Variants in CIMAP3 observed in about 807,000 individuals in gnomAD.
CIMAP3 encodes the protein ciliary microtubule-associated protein 3.
At chr1:111,347,452 A>G in the CIMAP3 span, among the ~76,000 whole-genome samples, 1 of 151,856 alleles carries the variant, frequency 6.6e-6, no homozygotes, top group African/African-American at 2.4e-5. Flanking sequence ...ATCCAGCCAC[A>G]CCCCTCTACA....
the CIMAP3 span, among the ~76,000 whole-genome samples, chr1:111,340,265 C>A: frequency 6.6e-6 from 1 of 151,410 alleles, no homozygotes; most frequent in Non-Finnish European, 1.5e-5. Flanking sequence ...AGAAGAAAAC[C>A]TAGGCATTAC....
the CIMAP3 span, among the ~76,000 whole-genome samples, chr1:111,336,841 A>G: frequency 3.3e-5 from 5 of 152,118 alleles, no homozygotes; most frequent in African/African-American, 1.2e-4. Context: ...CAGGAAATAC[A>G]GAGAACACCA....
At chr1:111,327,196 C>T in the CIMAP3 span, among the ~76,000 whole-genome samples, 1 of 152,032 alleles carries the variant, frequency 6.6e-6, no homozygotes, top group Non-Finnish European at 1.5e-5. Context: ...CCTATGTTTT[C>T]TTCTAGTAGT....
chr1:111,335,377 T>C, the CIMAP3 span, among the ~76,000 whole-genome samples: 106,901 of 151,864 alleles, frequency 0.7, 38,197 homozygotes, highest in South Asian at 0.79. Flanking sequence ...ACACTGTGCA[T>C]GAGCTGAAGC....
chr1:111,334,845 T>A, the CIMAP3 span, among the ~76,000 whole-genome samples: 4 of 151,820 alleles, frequency 2.6e-5, no homozygotes, highest in Non-Finnish European at 5.9e-5. Context: ...AATAAACAGA[T>A]GTCACGCAAG....
the CIMAP3 span, among the ~76,000 whole-genome samples, chr1:111,350,478 T>C: frequency 6.6e-6 from 1 of 152,188 alleles, no homozygotes; most frequent in African/African-American, 2.4e-5. Flanking sequence ...ACTTTTGTGG[T>C]AGGTACAGAG....
the CIMAP3 span, among the ~76,000 whole-genome samples, chr1:111,335,557 T>A: frequency 6.6e-6 from 1 of 152,208 alleles, no homozygotes; most frequent in Non-Finnish European, 1.5e-5. Flanking sequence ...TATCCAGCAC[T>A]GGCTCAGAGG....
the CIMAP3 span, chr1:111,348,624 C>T: frequency 6.2e-7 from 1 of 1,604,472 alleles, no homozygotes; most frequent in South Asian, 1.1e-5. Context: ...TAAGAACTAC[C>T]CAAAGGACAC....
the CIMAP3 span, chr1:111,346,470 C>G: frequency 6.3e-6 from 5 of 791,166 alleles, no homozygotes; most frequent in Non-Finnish European, 9.9e-6. Flanking sequence ...TTTACAATCC[C>G]CTGGGCTTTG....
chr1:111,327,249 A>T, the CIMAP3 span, among the ~76,000 whole-genome samples: 1 of 151,964 alleles, frequency 6.6e-6, no homozygotes, highest in African/African-American at 2.4e-5. Flanking sequence ...AATAAATCTT[A>T]TGTTGATTTT....
the CIMAP3 span, chr1:111,347,605 T>G: frequency 1.0e-6 from 1 of 998,538 alleles, no homozygotes; most frequent in East Asian, 2.4e-5. Flanking sequence ...TCTCTGACTA[T>G]GCGTTGTTTT....
chr1:111,350,099 T>C, the CIMAP3 span: 1 of 1,606,754 alleles, frequency 6.2e-7, no homozygotes, highest in South Asian at 1.1e-5. Flanking sequence ...TGTATTTTTA[T>C]TTCTAGCCCT....
the CIMAP3 span, chr1:111,350,282 T>A: frequency 2.2e-6 from 3 of 1,349,768 alleles, no homozygotes; most frequent in Non-Finnish European, 3.1e-6. Flanking sequence ...TTCATAGGTA[T>A]TAGGGACTCT....
At chr1:111,324,940 C>G in the CIMAP3 span, 5 of 895,094 alleles carry the variant, frequency 5.6e-6, no homozygotes, top group South Asian at 5.1e-5. Context: ...ATCCTTTTAG[C>G]ATTGGAGTCT....
the CIMAP3 span, chr1:111,346,539 C>T: frequency 6.5e-7 from 1 of 1,545,006 alleles, no homozygotes; most frequent in Non-Finnish European, 8.8e-7. Context: ...CAACTTGCCG[C>T]GCAGGCGCGC....
the CIMAP3 span, among the ~76,000 whole-genome samples, chr1:111,330,087 C>T: frequency 1.3e-5 from 2 of 152,042 alleles, no homozygotes; most frequent in South Asian, 2.1e-4. Context: ...TCCTGTATTG[C>T]TTTATTGTGA....
the CIMAP3 span, chr1:111,347,639 G>GGGT: frequency 9.3e-7 from 1 of 1,073,978 alleles, no homozygotes; most frequent in South Asian, 1.9e-5. Flanking sequence ...TTTTTTTTTG[G>GGGT]TGTTTTTGTT....
chr1:111,328,972 G>T, the CIMAP3 span, among the ~76,000 whole-genome samples: 1 of 152,162 alleles, frequency 6.6e-6, no homozygotes, highest in Non-Finnish European at 1.5e-5. Flanking sequence ...GTGTGTTTTT[G>T]TGTTAGCTAG....
At chr1:111,351,162 T>C in the CIMAP3 span, 26 of 863,164 alleles carry the variant, frequency 3.0e-5, no homozygotes, top group Non-Finnish European at 4.4e-5. Context: ...CTCTATAATG[T>C]ACAGTTTTTT....
Sources: allele counts gnomAD v4.1 joint callset (sites outside exome capture counted in the v4.1 genomes callset), GRCh38; gene constraint gnomAD v4.1.1; transcripts MANE v1.5; gene names NCBI Gene and HGNC (gene_info 2026-07-23, HGNC 2026-07-21).